Variants in LNPEP observed in about 807,000 individuals in gnomAD.
LNPEP encodes leucyl and cystinyl aminopeptidase.
In LNPEP, 64 loss-of-function variants were observed where a neutral mutation model predicts 120.6. That is an observed-to-expected ratio of 0.53 (90% CI 0.43 to 0.65). LNPEP has a LOEUF of 0.65. Among genes scored for constraint, LNPEP ranks in the 30% least tolerant of loss-of-function variants. The probability of loss-of-function intolerance (pLI) is 0.00; values close to 1 mark genes in which losing one functional copy is unlikely to be tolerated. For missense variants in LNPEP, 1,057 were observed against 1,200.0 expected (o/e 0.88, Z 1.76); for synonymous variants, 435 against 425.4 (o/e 1.02, Z -0.28).
intron 11 of LNPEP, among the ~76,000 whole-genome samples, chr5:97,008,053 A>C (rs1790827008): frequency 6.6e-6 from 1 of 152,182 alleles, no homozygotes; most frequent in Admixed American, 6.5e-5. Flanking sequence ...AGCTGGAAGT[A>C]CAAGGAATTG....
intron 1 of LNPEP, among the ~76,000 whole-genome samples, chr5:96,962,292 G>A (rs769043627): frequency 2.0e-5 from 3 of 152,268 alleles, no homozygotes; most frequent in Non-Finnish European, 2.9e-5. Flanking sequence ...CAAAAAAATG[G>A]TGGGTTTGGA....
chr5:96,951,502 C>G (rs1211037076), intron 1 of LNPEP, among the ~76,000 whole-genome samples: 2 of 152,136 alleles, frequency 1.3e-5, no homozygotes, highest in African/African-American at 2.4e-5. Context: ...TCGTGATCCA[C>G]CCGCCTCGGC....
At chr5:97,026,579 A>G (rs1395169502) in intron 15 of LNPEP, 38 bp from the exon 16 acceptor site, 1 of 1,560,768 alleles carries the variant, frequency 6.4e-7, no homozygotes, top group Non-Finnish European at 8.8e-7. Context: ...TTCTTCATGA[A>G]TAATAATTTT....
rs764544049 is a variant in LNPEP, at chr5:97,006,433, G to A, written c.1953G>A (p.Leu651=). ...CAATGTTTTCTCTTTACAGCTACCT[G>A]TGGCATATTCCACTATCCTATGTCA... ...PEIQPSDTSY[L]WHIPLSYVTE... Residue 651 remains leucine (L), a synonymous_variant, in exon 11 of 18, where the codon CTG becomes CTA. Coordinates refer to ENST00000231368, the MANE Select transcript of LNPEP (RefSeq NM_005575.3). 6.4e-7 allele frequency: 1 copy of A among 1,558,492 alleles called. No individual in the cohort carries two copies. Among genetic ancestry groups the A allele is most frequent in the Non-Finnish European group, 8.8e-7 (1 of 1,136,890 alleles).
chr5:96,975,837 C>A (rs1005292748), intron 1 of LNPEP, among the ~76,000 whole-genome samples: 1 of 152,062 alleles, frequency 6.6e-6, no homozygotes, highest in African/African-American at 2.4e-5. Context: ...TGGCACTGGT[C>A]CACAAACAAC....
At chr5:96,959,129 C>T (rs1210798725) in intron 1 of LNPEP, among the ~76,000 whole-genome samples, 1 of 152,118 alleles carries the variant, frequency 6.6e-6, no homozygotes, top group East Asian at 1.9e-4. Flanking sequence ...ATTGGGCCGT[C>T]CTGGATAATC....
Position 97,028,455 on chromosome 5 carries a change from C to T in LNPEP, c.3000C>T (p.Val1000=), listed in dbSNP as rs1213720773. Residue 1000 remains valine (V), a synonymous_variant, in exon 18 of 18, where the codon GTC becomes GTT. Transcript: ENST00000231368. Reference sequence around the variant, plus strand: ...AGGCAACCTTCCGGCTTCGTTGTGTCCAGGAGGCTTTGGAAGTCATTCAGT... The same window carrying T: ...AGGCAACCTTCCGGCTTCGTTGTGTTCAGGAGGCTTTGGAAGTCATTCAGT... ...QSEATFRLRC[V]QEALEVIQLN... is the part of the protein sequence containing the mutation. 2.1e-5 allele frequency: 34 copies of T among 1,613,834 alleles called. No individual in the cohort carries two copies. Among genetic ancestry groups the T allele is most frequent in the Non-Finnish European group, 2.8e-5 (33 of 1,179,724 alleles).
intron 11 of LNPEP, among the ~76,000 whole-genome samples, chr5:97,012,404 G>A (rs1333485197): frequency 2.0e-5 from 3 of 151,994 alleles, no homozygotes; most frequent in Non-Finnish European, 4.4e-5. Context: ...TACTTTAAAA[G>A]GGGGTAAAAA....
chr5:96,970,437 C>T (rs1020217931), intron 1 of LNPEP, among the ~76,000 whole-genome samples: 1 of 151,978 alleles, frequency 6.6e-6, no homozygotes, highest in African/African-American at 2.4e-5. Context: ...TAAAATGCAT[C>T]TCTTACAGAC....
intron 16 of LNPEP, 134 bp from the exon 17 acceptor site, chr5:97,027,599 C>G (rs867989473): frequency 1.6e-6 from 1 of 620,550 alleles, no homozygotes; most frequent in African/African-American, 1.8e-5. Flanking sequence ...AGGGCTACCC[C>G]GGTTTCCTCA....
chr5:96,998,318 G>A (rs561180057), intron 8 of LNPEP, among the ~76,000 whole-genome samples, 173 bp downstream of exon 8: 141 of 152,112 alleles, frequency 9.3e-4, no homozygotes, highest in Non-Finnish European at 1.4e-3. Flanking sequence ...TTTTTTGTGG[G>A]TTTTTTTCTT....
At position 96,979,121 on chromosome 5, in the gene LNPEP, A is replaced by G. The variant is rs1217053623; in HGVS notation, c.20-17A>G. On this transcript the variant is annotated splice_polypyrimidine_tract_variant and intron_variant, in intron 1 of 17. Transcript: ENST00000231368. Reference sequence around the variant, plus strand: ...TTTTCTAACTCTGTGCCTTGTTCTTATGTTTTGGTTTTTTAGATCGGCTTC... The same window carrying G: ...TTTTCTAACTCTGTGCCTTGTTCTTGTGTTTTGGTTTTTTAGATCGGCTTC... The G allele has an allele frequency of 1.3e-6, 2 of 1,568,170 alleles. No individual in the cohort carries two copies. The highest frequency in any genetic ancestry group is 1.2e-5 in the South Asian group (1 of 83,386).
chr5:96,996,585 T>C (rs1790521624), intron 7 of LNPEP, 82 bp downstream of exon 7: 4 of 748,008 alleles, frequency 5.3e-6, no homozygotes, highest in African/African-American at 3.5e-5. Context: ...TTTCTGTGCA[T>C]CTGGAGTAAT....
chr5:96,977,177 G>A (rs1790017822), intron 1 of LNPEP, among the ~76,000 whole-genome samples: 1 of 151,980 alleles, frequency 6.6e-6, no homozygotes, highest in Non-Finnish European at 1.5e-5. Flanking sequence ...CCCCAAAGCA[G>A]AAATGGGTGA....
chr5:97,016,028 T>TC (rs1390036413), intron 13 of LNPEP, among the ~76,000 whole-genome samples: 1 of 152,112 alleles, frequency 6.6e-6, no homozygotes, highest in African/African-American at 2.4e-5. Flanking sequence ...AGTTCTCTCA[T>TC]CACCTGCATG....
rs1791430824 is a variant in LNPEP at position 97,029,560 on chromosome 5, A to G, written c.*1027A>G. 1 of 152,362 alleles carries G rather than the reference A, an allele frequency of 6.6e-6. No homozygotes were observed. The highest frequency in any genetic ancestry group is 1.5e-5 in the Non-Finnish European group (1 of 68,030). 9.4% of individuals were successfully genotyped at this position (152,362 alleles called of 1,614,324 possible). On this transcript the variant is annotated 3_prime_UTR_variant, in exon 18 of 18. Coordinates refer to ENST00000231368, the MANE Select transcript of LNPEP (RefSeq NM_005575.3). Reference sequence around the variant, plus strand: ...TGATAGTGTAGCATATTAGAAGCATATTTTAAAACAGAGCCTTTGAGAAAT... The same window carrying G: ...TGATAGTGTAGCATATTAGAAGCATGTTTTAAAACAGAGCCTTTGAGAAAT...
rs1195660212 is a variant in LNPEP at position 97,035,270 on chromosome 5, C to G, written c.*6737C>G. The G allele has an allele frequency of 6.6e-6, 1 of 151,886 alleles. No homozygotes were observed. Among genetic ancestry groups the G allele is most frequent in the Non-Finnish European group, 1.5e-5 (1 of 67,952 alleles). The allele number at this position is 151,886 out of a possible 1,614,324, so 9.4% of individuals were successfully genotyped here. ...ATGTTTCATGTTATTGGTTTTGTAC[C>G]TAGTCCTTTGCATGGATATATAGGT... On this transcript the variant is annotated 3_prime_UTR_variant, in exon 18 of 18. Transcript: ENST00000231368.
At chr5:96,969,692 C>G (rs1311728194) in intron 1 of LNPEP, among the ~76,000 whole-genome samples, 2 of 151,098 alleles carry the variant, frequency 1.3e-5, no homozygotes, top group Non-Finnish European at 3.0e-5. Flanking sequence ...GCATTTTTTG[C>G]ATTATTTTTC....
At chr5:96,986,443 C>A in intron 3 of LNPEP, 96 bp from the exon 4 acceptor site, 2 of 1,203,544 alleles carry the variant, frequency 1.7e-6, no homozygotes, top group Admixed American at 2.0e-5. Context: ...GCATCTTTAC[C>A]ATTTATTTCC....
Sources: allele counts gnomAD v4.1 joint callset (sites outside exome capture counted in the v4.1 genomes callset), GRCh38; gene constraint gnomAD v4.1.1; transcripts MANE v1.5; gene names NCBI Gene and HGNC (gene_info 2026-07-23, HGNC 2026-07-21).